The following LSAMP variants were observed in gnomAD, a reference collection of about 807,000 sequenced individuals.
LSAMP encodes limbic system associated membrane protein.
Under a neutral mutation model 38.6 loss-of-function variants are expected in LSAMP, and 7 were observed. The ratio of observed to expected loss-of-function variants is 0.18; its 90% CI spans 0.10 to 0.34. The LOEUF (loss-of-function observed/expected upper bound fraction) is 0.34, where lower values mean the gene tolerates loss of function less well. Ranked by LOEUF, LSAMP falls within the 10% of genes least tolerant of loss-of-function variation. The probability of loss-of-function intolerance (pLI) is 1.00; values close to 1 mark genes in which losing one functional copy is unlikely to be tolerated. For missense variants in LSAMP, 313 were observed against 420.0 expected (o/e 0.75, Z 2.23); for synonymous variants, 154 against 166.8 (o/e 0.92, Z 0.59).
At chr3:116,147,655 A>G (rs960200687) in intron 1 of LSAMP, among the ~76,000 whole-genome samples, 1 of 151,920 alleles carries the variant, frequency 6.6e-6, no homozygotes, top group Non-Finnish European at 1.5e-5. Context: ...TTACAAAACT[A>G]GGGCTGAATT....
intron 1 of LSAMP, among the ~76,000 whole-genome samples, chr3:116,286,926 G>T (rs889865979): frequency 1.1e-4 from 16 of 148,988 alleles, no homozygotes; most frequent in Admixed American, 6.7e-5. Flanking sequence ...GGGCCTAAAA[G>T]GTCTATGGAA....
chr3:116,167,219 T>C (rs1710080105), intron 1 of LSAMP, among the ~76,000 whole-genome samples: 1 of 152,124 alleles, frequency 6.6e-6, no homozygotes, highest in South Asian at 2.1e-4. Context: ...CTGTACCCAA[T>C]ATGTAGTCTT....
At position 116,272,019 on chromosome 3, in the gene LSAMP, T is replaced by C. The variant is rs114087333; in HGVS notation, c.155+172858A>G. ...AGAGATTGGATTTTAGGAAAGCAAG[T>C]AGAATGATAAAAGAGATGGATGTAA... On this transcript the variant is annotated intron_variant, in intron 1 of 6. Coordinates refer to ENST00000490035, the MANE Select transcript of LSAMP (RefSeq NM_002338.5). 7.6e-3 allele frequency among the ~76,000 whole-genome samples: 1,160 copies of C among 152,148 alleles called. 14 individuals carry two copies. The highest frequency in any genetic ancestry group is 0.026 in the African/African-American group (1,087 of 41,536).
intron 1 of LSAMP, among the ~76,000 whole-genome samples, chr3:116,342,728 A>G (rs991933234): frequency 4.6e-5 from 7 of 152,152 alleles, no homozygotes. Flanking sequence ...AACCTCAAAC[A>G]TCAAGAGCAT....
chr3:116,252,082 T>C (rs1450926072), intron 1 of LSAMP, among the ~76,000 whole-genome samples: 1 of 152,198 alleles, frequency 6.6e-6, no homozygotes, highest in Non-Finnish European at 1.5e-5. Context: ...TCTCTGCTCC[T>C]CTCACTGTTG....
intron 2 of LSAMP, among the ~76,000 whole-genome samples, chr3:116,074,299 A>G (rs35942468): frequency 3.2e-4 from 49 of 152,300 alleles, no homozygotes; most frequent in Non-Finnish European, 6.5e-4. Context: ...AAAATCCCCC[A>G]AAACAGGGAA....
chr3:115,803,089 G>C lies in LSAMP; in HGVS notation c.*7228C>G, dbSNP rs1053805142. 7.2e-5 allele frequency: 11 copies of C among 151,968 alleles called. No homozygotes were observed. The East Asian group carries it at 1.9e-3, about 27-fold the overall frequency. The allele number at this position is 151,968 out of a possible 1,614,324, so 9.4% of individuals were successfully genotyped here. ...TTCTTCACTTGCAAGAAGCATATTTGTACTGTGCCTGGCTTTACATAGGGA... is the reference window on the plus strand; with the variant it reads ...TTCTTCACTTGCAAGAAGCATATTTCTACTGTGCCTGGCTTTACATAGGGA... On this transcript the variant is annotated 3_prime_UTR_variant, in exon 7 of 7. Transcript: ENST00000490035.
chr3:116,411,043 C>T (rs2048968512), intron 1 of LSAMP, among the ~76,000 whole-genome samples: 2 of 152,012 alleles, frequency 1.3e-5, no homozygotes, highest in Non-Finnish European at 2.9e-5. Context: ...CAGCACTGGC[C>T]ATCAGAGAAA....
rs1428015221 is a variant in LSAMP, at chr3:116,164,224, GT to G, written c.156-77669del. On this transcript the variant is annotated intron_variant, in intron 1 of 6. Transcript: ENST00000490035. ...AAATGCAGTTAGAAAGAAGTGTCTGGTTTCCACAGTTAGATTATTTAACACT... is the reference window on the plus strand; with the variant it reads ...AAATGCAGTTAGAAAGAAGTGTCTGGTTCCACAGTTAGATTATTTAACACT... 5.9e-5 allele frequency among the ~76,000 whole-genome samples: 9 copies of G among 152,068 alleles called. No homozygotes were observed. The East Asian group carries it at 1.7e-3, about 29-fold the overall frequency.
chr3:116,029,174 A>G (rs1045146916), intron 2 of LSAMP, among the ~76,000 whole-genome samples: 1 of 152,104 alleles, frequency 6.6e-6, no homozygotes, highest in African/African-American at 2.4e-5. Flanking sequence ...TGTGGCTGTC[A>G]TTGGAGTCTC....
At chr3:116,117,018 A>C (rs534643016) in intron 1 of LSAMP, among the ~76,000 whole-genome samples, 1 of 152,332 alleles carries the variant, frequency 6.6e-6, no homozygotes, top group African/African-American at 2.4e-5. Flanking sequence ...AGTCCTGTCC[A>C]AATTTCTGAA....
At chr3:116,206,022 G>C (rs1444718317) in intron 1 of LSAMP, among the ~76,000 whole-genome samples, 8 of 152,054 alleles carry the variant, frequency 5.3e-5, no homozygotes, top group African/African-American at 1.2e-4. Flanking sequence ...GGCTGTGAAT[G>C]CATCTGGCCC....
At chr3:116,047,071 G>T (rs970491153) in intron 2 of LSAMP, among the ~76,000 whole-genome samples, 1 of 152,118 alleles carries the variant, frequency 6.6e-6, no homozygotes, top group African/African-American at 2.4e-5. Flanking sequence ...CTGGAATGCA[G>T]TTCCTATCCT....
rs1209173616 is a variant in LSAMP, at chr3:115,844,519, G to C, written c.650-1941C>G. 3.3e-5 allele frequency among the ~76,000 whole-genome samples: 5 copies of C among 152,250 alleles called. No individual in the cohort carries two copies. In the South Asian group the frequency reaches 8.3e-4, roughly 25 times the overall value. ...CAATAGTTGGTAATAGTGGTGCTGT[G>C]GGGGAGATATTAATAAAGGGATGGG... On this transcript the variant is annotated intron_variant, in intron 4 of 6. Transcript: ENST00000490035.
At chr3:116,011,914 G>T (rs1940338203) in intron 3 of LSAMP, among the ~76,000 whole-genome samples, 1 of 152,102 alleles carries the variant, frequency 6.6e-6, no homozygotes, top group Non-Finnish European at 1.5e-5. Context: ...ACCTGAGATT[G>T]TCCCCCTTGG....
At chr3:115,890,963 C>A (rs1936583318) in intron 3 of LSAMP, among the ~76,000 whole-genome samples, 3 of 151,918 alleles carry the variant, frequency 2.0e-5, no homozygotes, top group African/African-American at 7.2e-5. Context: ...CATGTGTGCC[C>A]TGATGGGAAA....
chr3:115,806,846 A>T lies in LSAMP; in HGVS notation c.*3471T>A, dbSNP rs1306738850. The T allele has an allele frequency of 6.6e-6, 1 of 152,182 alleles. No individual in the cohort carries two copies. Among genetic ancestry groups the T allele is most frequent in the African/African-American group, 2.4e-5 (1 of 41,448 alleles). The allele number at this position is 152,182 out of a possible 1,614,324, so 9.4% of individuals were successfully genotyped here. A position where few individuals can be genotyped will look rare whatever the true frequency, so the allele number is the denominator to read the frequency against. On this transcript the variant is annotated 3_prime_UTR_variant, in exon 7 of 7. Coordinates refer to ENST00000490035, the MANE Select transcript of LSAMP (RefSeq NM_002338.5). ...AGCAAGGCAAAACCTTTGCTCAACAATTGCACAGAGCATAATTACAATTCT... is the reference window on the plus strand; with the variant it reads ...AGCAAGGCAAAACCTTTGCTCAACATTTGCACAGAGCATAATTACAATTCT...
At chr3:116,237,401 C>G (rs2046479272) in intron 1 of LSAMP, among the ~76,000 whole-genome samples, 2 of 151,962 alleles carry the variant, frequency 1.3e-5, no homozygotes, top group South Asian at 2.1e-4. Flanking sequence ...GTTATGGTGG[C>G]AATGCTAATG....
chr3:116,309,659 T>C (rs752056213), intron 1 of LSAMP, among the ~76,000 whole-genome samples: 1 of 152,116 alleles, frequency 6.6e-6, no homozygotes, highest in Non-Finnish European at 1.5e-5. Flanking sequence ...TATTACTTCA[T>C]GATGTGAAAG....
Sources: gnomAD v4.1 joint callset for allele counts (sites outside exome capture counted in the v4.1 genomes callset) on GRCh38, gnomAD v4.1.1 for gene constraint, MANE v1.5 for transcripts, NCBI Gene and HGNC (gene_info 2026-07-23, HGNC 2026-07-21) for gene names.